Variants in CLDN16 observed in about 807,000 individuals in gnomAD.
The protein encoded by CLDN16 is claudin 16, also known as claudin-16.
A neutral mutation model predicts 24.6 loss-of-function variants in CLDN16; 13 were observed. The observed-to-expected ratio is 0.53, with a 90% CI of 0.34 to 0.84. The LOEUF is 0.84. Among genes scored for constraint, CLDN16 ranks in the 40% least tolerant of loss-of-function variants. CLDN16 has a pLI of 0.01. For missense variants in CLDN16, 298 were observed against 292.7 expected, an observed-to-expected ratio of 1.02 and a Z score of -0.13; for synonymous variants, 116 against 106.7, an observed-to-expected ratio of 1.09 and a Z score of -0.54.
chr3:190,366,303 A>G (rs1265864177), intron 1 of CLDN16, among the ~76,000 whole-genome samples: 6 of 151,952 alleles, frequency 3.9e-5, no homozygotes, highest in Non-Finnish European at 8.8e-5. Flanking sequence ...ATGCCAGCCA[A>G]GTTCATCACC....
chr3:190,374,730 C>G (rs1718212194), intron 3 of CLDN16: 1 of 151,916 alleles, frequency 6.6e-6, no homozygotes, highest in Admixed American at 6.6e-5. Context: ...AGAACAACAA[C>G]ACTTGTTAGT....
At chr3:190,337,474 C>T (rs926104046) in intron 1 of CLDN16, among the ~76,000 whole-genome samples, 12 of 152,164 alleles carry the variant, frequency 7.9e-5, no homozygotes, top group East Asian at 1.9e-4. Flanking sequence ...AAAGGTCTCA[C>T]GAATGTAGTA....
chr3:190,362,936 A>G (rs944313616), intron 1 of CLDN16, among the ~76,000 whole-genome samples: 2 of 151,908 alleles, frequency 1.3e-5, no homozygotes, highest in Admixed American at 6.6e-5. Flanking sequence ...AAAGTAATTG[A>G]ATATGTGTAC....
rs753777323 is a variant in CLDN16 at position 190,388,429 on chromosome 3, G to A, written c.100G>A (p.Asp34Asn). ...TWTDCWMVNA[D>N]DSLEVSTKCR... is the part of the protein sequence containing the mutation. ...GACTGACTGTTGGATGGTGAATGCT[G>A]ATGACTCTCTGGAGGTAAGAAGATA... The change falls in exon 1 of 5, where the codon GAT (aspartate) becomes AAT (asparagine). Residue 34 changes from aspartate (D) to asparagine (N), a missense_variant. Coordinates refer to ENST00000264734, the MANE Select transcript of CLDN16 (RefSeq NM_006580.4). 6.2e-7 allele frequency: 1 copy of A among 1,613,998 alleles called. No individual in the cohort carries two copies. Among genetic ancestry groups the A allele is most frequent in the Admixed American group, 1.7e-5 (1 of 60,022 alleles).
the CLDN16 span, among the ~76,000 whole-genome samples, chr3:190,316,342 T>G: frequency 6.6e-6 from 1 of 152,234 alleles, no homozygotes; most frequent in African/African-American, 2.4e-5. Context: ...ACCCAAAATC[T>G]TGCTTTGCTT....
In CLDN16 at chr3:190,402,438, C is replaced by T. The variant is rs1718987423; in HGVS notation, c.216C>T (p.Pro72=). The T allele has an allele frequency of 6.2e-7, 1 of 1,607,862 alleles. No individual in the cohort carries two copies. The highest frequency in any genetic ancestry group is 8.5e-7 in the Non-Finnish European group (1 of 1,174,488). Residue 72 remains proline, a splice_region_variant and synonymous_variant, in exon 2 of 5, where the codon CCC becomes CCT. Coordinates refer to ENST00000264734, the MANE Select transcript of CLDN16 (RefSeq NM_006580.4). ...DEYDSILAEH[P]LKLVVTRALM... is the part of the protein sequence containing the mutation. Reference sequence around the variant, plus strand: ...ACGATTCCATACTTGCGGAGCATCCCTGTACGTATGCCTTAGAGCTCACTG... The same window carrying T: ...ACGATTCCATACTTGCGGAGCATCCTTGTACGTATGCCTTAGAGCTCACTG...
chr3:190,388,068 C>G, upstream of CLDN16: 1 of 1,549,354 alleles, frequency 6.5e-7, no homozygotes, highest in Non-Finnish European at 8.9e-7. Flanking sequence ...CCGAAACACA[C>G]TCAGCCCTTG....
upstream of CLDN16, among the ~76,000 whole-genome samples, chr3:190,321,715 A>T (rs1327431354): frequency 1.3e-5 from 2 of 152,136 alleles, no homozygotes; most frequent in East Asian, 1.9e-4. Flanking sequence ...CTCAACTCGA[A>T]CCACCAGCAT....
chr3:190,372,812 A>G (rs958257977), intron 2 of CLDN16, among the ~76,000 whole-genome samples: 1 of 151,956 alleles, frequency 6.6e-6, no homozygotes, highest in African/African-American at 2.4e-5. Context: ...TTCTTTAAGT[A>G]TCAAGGTCTT....
At chr3:190,293,314 C>T in the CLDN16 span, among the ~76,000 whole-genome samples, 1 of 152,188 alleles carries the variant, frequency 6.6e-6, no homozygotes, top group East Asian at 1.9e-4. Flanking sequence ...CACCACGTCC[C>T]TCCCTCAACA....
chr3:190,339,751 T>A (rs139511254), intron 1 of CLDN16, among the ~76,000 whole-genome samples: 6 of 152,332 alleles, frequency 3.9e-5, no homozygotes, highest in African/African-American at 1.4e-4. Flanking sequence ...AAATTACTAC[T>A]ACTCCTGCGG....
intron 1 of CLDN16, among the ~76,000 whole-genome samples, chr3:190,353,711 C>T (rs536810313): frequency 6.6e-6 from 1 of 152,172 alleles, no homozygotes; most frequent in East Asian, 1.9e-4. Context: ...CCAGACCTTT[C>T]TGTATCATCA....
intron 2 of CLDN16, among the ~76,000 whole-genome samples, chr3:190,372,481 C>A (rs978313680): frequency 4.9e-4 from 75 of 151,802 alleles, no homozygotes; most frequent in Non-Finnish European, 8.4e-4. Context: ...CCTTCCCCCC[C>A]AAAATAAAAA....
At chr3:190,306,497 C>G in the CLDN16 span, 2 of 152,424 alleles carry the variant, frequency 1.3e-5, no homozygotes, top group South Asian at 4.1e-4. Flanking sequence ...ACCACACTTA[C>G]ATGTATTCTA....
chr3:190,338,426 G>A (rs1178491111), intron 1 of CLDN16, among the ~76,000 whole-genome samples: 1 of 152,180 alleles, frequency 6.6e-6, no homozygotes, highest in African/African-American at 2.4e-5. Context: ...ATAGGGGCAT[G>A]GAGAAATACT....
intron 1 of CLDN16, among the ~76,000 whole-genome samples, chr3:190,389,772 TC>T (rs758337410): frequency 7.9e-5 from 12 of 152,314 alleles, no homozygotes; most frequent in Non-Finnish European, 1.8e-4. Flanking sequence ...CGTTCTGCTG[TC>T]ATTAGTTTGC....
At chr3:190,297,618 TAATATAA>T in the CLDN16 span, among the ~76,000 whole-genome samples, 15,463 of 139,364 alleles carry the variant, frequency 0.11, 1,191 homozygotes, top group East Asian at 0.42. Context: ...ATAATATCTA[TAATATAA>T]TATATAATAT....
the CLDN16 span, among the ~76,000 whole-genome samples, chr3:190,291,646 T>C: frequency 6.6e-6 from 1 of 152,226 alleles, no homozygotes; most frequent in South Asian, 2.1e-4. Context: ...AAATATTACA[T>C]CTTTCACATT....
rs140990195 is a variant in CLDN16 at position 190,400,589 on chromosome 3, A to G, written c.115-1748A>G. Among the ~76,000 whole-genome samples, 713 of 152,270 alleles carry G rather than the reference A, an allele frequency of 4.7e-3. 5 individuals carry two copies. The highest frequency in any genetic ancestry group is 0.017 in the African/African-American group (693 of 41,562). On this transcript the variant is annotated intron_variant, in intron 1 of 4. Coordinates refer to ENST00000264734, the MANE Select transcript of CLDN16 (RefSeq NM_006580.4). ...AAAAATATGCAATGTTTAACTTTCT[A>G]TTCCTGGCTTATTTCATTTAACATT...
Sources: allele counts gnomAD v4.1 joint callset (sites outside exome capture counted in the v4.1 genomes callset), GRCh38; gene constraint gnomAD v4.1.1; transcripts MANE v1.5; gene names NCBI Gene and HGNC (gene_info 2026-07-23, HGNC 2026-07-21).